PON3: variants seen among roughly 807,000 people sequenced by gnomAD.
PON3 encodes the protein serum paraoxonase/lactonase 3.
PON3 carries 37 observed loss-of-function variants against 36.3 expected under a neutral mutation model. That is an observed-to-expected ratio of 1.02 (90% confidence interval 0.78 to 1.34). The LOEUF is 1.34. Among genes scored for constraint, PON3 ranks in the 40% most tolerant of loss-of-function variants. PON3 has a pLI of 0.00. For missense variants in PON3, 415 were observed against 426.5 expected, an observed-to-expected ratio of 0.97 and a Z score of 0.24; for synonymous variants, 155 against 154.8, an observed-to-expected ratio of 1.00 and a Z score of -0.01.
At chr7:95,364,148 G>A in intron 5 of PON3, 85 bp from the exon 6 acceptor site, 6 of 1,031,808 alleles carry the variant, frequency 5.8e-6, no homozygotes, top group Non-Finnish European at 9.2e-6. Context: ...TCTCTACATA[G>A]ACTAATACGT....
In PON3 at chr7:95,364,014, C is replaced by A; in HGVS notation, c.544G>T (p.Asp182Tyr). Residue 182 changes from aspartate (D) to tyrosine (Y), a missense_variant, in exon 6 of 9, where the codon GAC becomes TAC. Physicochemically the swap from Asp to Tyr is radical, Grantham distance 160 (BLOSUM62 -3). Transcript: ENST00000265627. ...LGPEQFYATR[D>Y]HYFTNSLLSF... is the part of the protein sequence containing the mutation. ...AGGAGGGAGTTGGTAAAATAGTGGTCTCTGGTGGCATAGAACTGTTCTGGT... is the reference window on the plus strand; with the variant it reads ...AGGAGGGAGTTGGTAAAATAGTGGTATCTGGTGGCATAGAACTGTTCTGGT... 1 of 1,613,854 alleles carries A rather than the reference C, an allele frequency of 6.2e-7. No homozygotes were observed. The highest frequency in any genetic ancestry group is 1.1e-5 in the South Asian group (1 of 91,066).
At chr7:95,390,869 C>A (rs111272106) in intron 2 of PON3, among the ~76,000 whole-genome samples, 2 of 152,134 alleles carry the variant, frequency 1.3e-5, no homozygotes, top group Non-Finnish European at 2.9e-5. Flanking sequence ...GTCACCTACA[C>A]TACGCCTGCA....
intron 3 of PON3, among the ~76,000 whole-genome samples, chr7:95,372,944 T>G (rs1287231785): frequency 6.6e-6 from 1 of 152,176 alleles, no homozygotes; most frequent in Non-Finnish European, 1.5e-5. Flanking sequence ...TACTCAAACA[T>G]CACAAAAAGT....
Position 95,372,320 on chromosome 7 carries a change from T to A in PON3, c.220A>T (p.Met74Leu). 4.3e-6 allele frequency: 7 copies of A among 1,613,954 alleles called. No homozygotes were observed. The highest frequency in any genetic ancestry group is 1.1e-5 in the South Asian group (1 of 91,074). Residue 74 changes from methionine to leucine, a missense_variant, in exon 4 of 9, where the codon ATG becomes TTG. Physicochemically the swap from Met to Leu is conservative, Grantham distance 15. Transcript: ENST00000265627. ...GGTTCATCTGGCGCAAAGTTTGGCA[T>A]GCCTGGATATTTTAATCCCTTTTAA... ...FISSGLKYPG[M>L]PNFAPDEPGK...
chr7:95,387,783 A>T (rs951288393), intron 3 of PON3, among the ~76,000 whole-genome samples: 1 of 152,174 alleles, frequency 6.6e-6, no homozygotes. Context: ...ACCAAAACAG[A>T]TATATAGACC....
intron 3 of PON3, among the ~76,000 whole-genome samples, chr7:95,379,362 C>T (rs1040524756): frequency 6.6e-6 from 1 of 152,218 alleles, no homozygotes; most frequent in Admixed American, 6.5e-5. Context: ...GGGTGCAGGA[C>T]AGTGGGTGCA....
At position 95,367,363 on chromosome 7, in the gene PON3, T is replaced by A. The variant is rs376520907; in HGVS notation, c.493A>T (p.Ser165Cys). ...CCGCACAATACTTTCATTCCATACC[T>A]TTTGAGAAGTTCATGTTTTATAGTT... ...LKTIKHELLK[S>C]VNDIVVLGPE... Residue 165 changes from serine to cysteine, a missense_variant and splice_region_variant, in exon 5 of 9, where the codon AGT becomes TGT. Transcript: ENST00000265627. The A allele has an allele frequency of 1.9e-6, 3 of 1,612,024 alleles. No individual in the cohort carries two copies. In the Admixed American group the frequency reaches 5.0e-5, roughly 27 times the overall value.
chr7:95,396,364 C>G lies in PON3; in HGVS notation c.-14G>C. The G allele has an allele frequency of 6.2e-7, 1 of 1,613,424 alleles. No homozygotes were observed. The highest frequency in any genetic ancestry group is 1.1e-5 in the South Asian group (1 of 91,070). ...GAGCTTCCCCATGGTCTCGGGGTGC[C>G]CAGCGGCGACTGCGCGGCGCCGAGA... On this transcript the variant is annotated 5_prime_UTR_variant, in exon 1 of 9. Transcript: ENST00000265627.
intron 3 of PON3, among the ~76,000 whole-genome samples, chr7:95,379,953 C>G (rs1438895653): frequency 2.6e-5 from 4 of 152,194 alleles, no homozygotes; most frequent in Admixed American, 2.6e-4. Context: ...AGGCACACCC[C>G]AGTACGGGCA....
At position 95,362,393 on chromosome 7, in the gene PON3, T is replaced by A; in HGVS notation, c.875A>T (p.Asn292Ile). ...GCHPNPMKLL[N>I]YNPEDPPGSE... ...TCCTGGAGGGTCCTCAGGGTTATAG[T>A]TCAGTAGCTTCATAGGATTAGGATG... The change falls in exon 8 of 9, where the codon AAC (asparagine) becomes ATC (isoleucine). Residue 292 changes from asparagine to isoleucine, a missense_variant. Transcript: ENST00000265627. 1 of 1,613,780 alleles carries A rather than the reference T, an allele frequency of 6.2e-7. No homozygotes were observed. Among genetic ancestry groups the A allele is most frequent in the Non-Finnish European group, 8.5e-7 (1 of 1,179,758 alleles).
chr7:95,391,023 T>A (rs1343055425), intron 2 of PON3, among the ~76,000 whole-genome samples: 1 of 152,190 alleles, frequency 6.6e-6, no homozygotes, highest in Non-Finnish European at 1.5e-5. Context: ...AAATCAGTCT[T>A]ATGAATAGGT....
intron 3 of PON3, among the ~76,000 whole-genome samples, chr7:95,379,013 T>C (rs1397113164): frequency 6.6e-6 from 1 of 151,606 alleles, no homozygotes; most frequent in Non-Finnish European, 1.5e-5. Flanking sequence ...ACCCATCTCA[T>C]GTGCAAAGAC....
chr7:95,360,346 C>A (rs1421755925), intron 8 of PON3, among the ~76,000 whole-genome samples: 2 of 152,172 alleles, frequency 1.3e-5, no homozygotes, highest in African/African-American at 4.8e-5. Context: ...CCAAATTCCT[C>A]AGGGATGACT....
chr7:95,363,769 C>T (rs552928759), intron 6 of PON3, 94 bp downstream of exon 6: 32 of 1,230,130 alleles, frequency 2.6e-5, no homozygotes, highest in African/African-American at 4.5e-5. Flanking sequence ...ATATTCACTA[C>T]GTAAGCCTAA....
chr7:95,360,706 T>A (rs1361610239), intron 8 of PON3, among the ~76,000 whole-genome samples: 5 of 152,214 alleles, frequency 3.3e-5, no homozygotes, highest in Admixed American at 3.3e-4. Flanking sequence ...AGTGTATATT[T>A]AAGCACTCAG....
At chr7:95,373,637 C>T (rs1808855896) in intron 3 of PON3, among the ~76,000 whole-genome samples, 1 of 152,158 alleles carries the variant, frequency 6.6e-6, no homozygotes, top group African/African-American at 2.4e-5. Flanking sequence ...CTCCCTTTGC[C>T]TTGGTCTAGC....
At position 95,387,552 on chromosome 7, in the gene PON3, C is replaced by T. The variant is rs959896594; in HGVS notation, c.201+2602G>A. Among the ~76,000 whole-genome samples the T allele has an allele frequency of 2.6e-5, 4 of 152,154 alleles. No individual in the cohort carries two copies. The East Asian group carries it at 5.8e-4, about 22-fold the overall frequency. On this transcript the variant is annotated intron_variant, in intron 3 of 8. Transcript: ENST00000265627. Reference sequence around the variant, plus strand: ...AATCAATAACATGAAAATGGCCATACTGCCCACGGTAATTTATAGATTCAG... The same window carrying T: ...AATCAATAACATGAAAATGGCCATATTGCCCACGGTAATTTATAGATTCAG...
At chr7:95,374,872 T>C (rs1344607990) in intron 3 of PON3, among the ~76,000 whole-genome samples, 1 of 152,168 alleles carries the variant, frequency 6.6e-6, no homozygotes, top group Admixed American at 6.5e-5. Context: ...TCTGTTTTTA[T>C]CGATCCCTCC....
At chr7:95,368,783 G>A (rs1306737647) in intron 4 of PON3, among the ~76,000 whole-genome samples, 1 of 144,336 alleles carries the variant, frequency 6.9e-6, no homozygotes, top group Admixed American at 7.1e-5. Context: ...GTATAAACAT[G>A]TCCCATCTCA....
Sources: allele counts gnomAD v4.1 joint callset (sites outside exome capture counted in the v4.1 genomes callset), GRCh38; gene constraint gnomAD v4.1.1; transcripts MANE v1.5; gene names NCBI Gene and HGNC (gene_info 2026-07-23, HGNC 2026-07-21).